FER: variants seen among roughly 807,000 people sequenced by gnomAD.
FER encodes the protein tyrosine-protein kinase Fer.
In FER, 63 loss-of-function variants were observed where a neutral mutation model predicts 111.0. That is an observed-to-expected ratio of 0.57 (90% CI 0.46 to 0.70). The LOEUF (loss-of-function observed/expected upper bound fraction) is 0.70. Among genes scored for constraint, FER ranks in the 30% least tolerant of loss-of-function variants. FER has a pLI of 0.00. For synonymous variants in FER, 327 were observed against 313.9 expected (o/e 1.04, Z -0.44); for missense variants, 914 against 954.0 (o/e 0.96, Z 0.55).
At chr5:109,072,160 T>G (rs968826312) in intron 16 of FER, among the ~76,000 whole-genome samples, 7 of 151,732 alleles carry the variant, frequency 4.6e-5, no homozygotes, top group African/African-American at 1.7e-4. Context: ...TGTTTACCCT[T>G]ATGACATTTC....
chr5:109,056,154 C>T (rs1167822543), intron 16 of FER, among the ~76,000 whole-genome samples: 1 of 152,128 alleles, frequency 6.6e-6, no homozygotes, highest in East Asian at 1.9e-4. Context: ...TTATGGCAAA[C>T]AGTATGAAGG....
In FER at chr5:108,959,828, G is replaced by A. The variant is rs376681608; in HGVS notation, c.1656+481G>A. Among the ~76,000 whole-genome samples the A allele has an allele frequency of 8.5e-5, 13 of 152,198 alleles. No homozygotes were observed. In the East Asian group the frequency reaches 1.9e-3, roughly 23 times the overall value. ...TAAATCAGAAACTTATCTATGTGGA[G>A]CAAGGTGGTTGGATAAGAGATTGTC... On this transcript the variant is annotated intron_variant, in intron 13 of 19. Coordinates refer to ENST00000281092, the MANE Select transcript of FER (RefSeq NM_005246.4).
rs112153753 is a variant in FER, at chr5:108,840,105, A to C, written c.481+4298A>C. On this transcript the variant is annotated intron_variant, in intron 5 of 19. Transcript: ENST00000281092. ...ATTAACCTTCTGCCACATTGGCAGA[A>C]TCATTTGAATGTATGTTTCAGGCGT... Among the ~76,000 whole-genome samples, 66 of 152,338 alleles carry C rather than the reference A, an allele frequency of 4.3e-4. 1 individual carries two copies. The highest frequency in any genetic ancestry group is 3.4e-3 in the Middle Eastern group (1 of 294).
chr5:109,176,135 A>C (rs1230066337), intron 17 of FER, among the ~76,000 whole-genome samples: 1 of 152,214 alleles, frequency 6.6e-6, no homozygotes, highest in Non-Finnish European at 1.5e-5. Flanking sequence ...AGTAGAACAT[A>C]TGATCCAGCA....
Position 109,100,527 on chromosome 5 carries a change from G to C in FER, c.2048+8G>C, listed in dbSNP as rs757480752. The C allele has an allele frequency of 6.3e-7, 1 of 1,593,278 alleles. No individual in the cohort carries two copies. Among genetic ancestry groups the C allele is most frequent in the Non-Finnish European group, 8.5e-7 (1 of 1,170,352 alleles). ...TAAAAACTGTATACACAGGTAAGGA[G>C]AACATTTTTAAAGCAATTTTTGGTT... On this transcript the variant is annotated splice_region_variant and intron_variant, in intron 17 of 19. Coordinates refer to ENST00000281092, the MANE Select transcript of FER (RefSeq NM_005246.4).
chr5:108,880,355 G>T (rs1765560294), intron 8 of FER, among the ~76,000 whole-genome samples: 1 of 152,168 alleles, frequency 6.6e-6, no homozygotes, highest in Non-Finnish European at 1.5e-5. Context: ...TAAGAAGCTG[G>T]TTGTTTTTTC....
intron 8 of FER, among the ~76,000 whole-genome samples, chr5:108,877,462 C>T (rs1281420241): frequency 2.0e-5 from 3 of 152,162 alleles, no homozygotes; most frequent in Admixed American, 2.0e-4. Context: ...AAACTCGTAA[C>T]TTTCACTTGG....
intron 13 of FER, among the ~76,000 whole-genome samples, chr5:109,007,421 T>C (rs1457290546): frequency 6.6e-6 from 1 of 151,246 alleles, no homozygotes; most frequent in African/African-American, 2.4e-5. Context: ...AGTCAAATTA[T>C]AGAACAATTG....
At chr5:109,058,732 T>C (rs867654772) in intron 16 of FER, among the ~76,000 whole-genome samples, 12 of 113,392 alleles carry the variant, frequency 1.1e-4, no homozygotes, top group South Asian at 3.3e-4. Context: ...TTCTTTTTTT[T>C]TTTTTTTTTT....
chr5:108,883,318 G>C (rs1281812816), intron 8 of FER, 78 bp from the exon 9 acceptor site: 6 of 1,348,850 alleles, frequency 4.4e-6, no homozygotes, highest in Non-Finnish European at 6.0e-6. Flanking sequence ...TGCAACATAA[G>C]ATGTATGAAT....
intron 14 of FER, among the ~76,000 whole-genome samples, chr5:109,040,285 G>T (rs1170006058): frequency 6.6e-6 from 1 of 152,044 alleles, no homozygotes; most frequent in Non-Finnish European, 1.5e-5. Context: ...ATTCAACAGT[G>T]GAGTGAGTCT....
intron 10 of FER, among the ~76,000 whole-genome samples, chr5:108,911,923 G>A (rs914327044): frequency 2.0e-5 from 3 of 152,110 alleles, no homozygotes; most frequent in East Asian, 1.9e-4. Flanking sequence ...CAATTCCCAC[G>A]TGTTGTGGCA....
intron 17 of FER, among the ~76,000 whole-genome samples, chr5:109,134,351 T>A (rs1388508907): frequency 6.6e-6 from 1 of 152,168 alleles, no homozygotes; most frequent in East Asian, 1.9e-4. Context: ...AAAGATAAAT[T>A]TAATTTCCTT....
At chr5:108,930,816 G>C (rs1216050646) in intron 10 of FER, among the ~76,000 whole-genome samples, 3 of 151,254 alleles carry the variant, frequency 2.0e-5, no homozygotes, top group Non-Finnish European at 4.4e-5. Context: ...GTTTCACCAT[G>C]TTGCCCAGAC....
chr5:109,101,161 G>A (rs576424548), intron 17 of FER, among the ~76,000 whole-genome samples: 31 of 151,986 alleles, frequency 2.0e-4, no homozygotes, highest in African/African-American at 7.2e-4. Context: ...TTGTTTTTTA[G>A]TGCTAAATGT....
intron 17 of FER, among the ~76,000 whole-genome samples, chr5:109,153,788 C>G (rs887467397): frequency 2.0e-5 from 3 of 151,754 alleles, no homozygotes; most frequent in Non-Finnish European, 3.0e-5. Context: ...GAATTTGAAC[C>G]CAGGCTCTAG....
intron 9 of FER, among the ~76,000 whole-genome samples, chr5:108,887,940 T>A (rs1323730892): frequency 6.6e-6 from 1 of 151,874 alleles, no homozygotes; most frequent in Non-Finnish European, 1.5e-5. Flanking sequence ...GATTATTTAA[T>A]TTTGTATTGT....
intron 1 of FER, among the ~76,000 whole-genome samples, chr5:108,763,391 G>C (rs1409353230): frequency 6.6e-6 from 1 of 152,156 alleles, no homozygotes; most frequent in Non-Finnish European, 1.5e-5. Context: ...ACAATGTGAT[G>C]AGGGCCAGGT....
chr5:109,140,956 A>G (rs568896480), intron 17 of FER, among the ~76,000 whole-genome samples: 24 of 152,322 alleles, frequency 1.6e-4, no homozygotes, highest in African/African-American at 4.6e-4. Flanking sequence ...TTCTGGACCC[A>G]TATTCCACAG....
Sources: gnomAD v4.1 joint callset for allele counts (sites outside exome capture counted in the v4.1 genomes callset) on GRCh38, gnomAD v4.1.1 for gene constraint, MANE v1.5 for transcripts, NCBI Gene and HGNC (gene_info 2026-07-23, HGNC 2026-07-21) for gene names.